Variants in INVS observed in about 807,000 individuals in gnomAD.
INVS encodes the protein inversion of embryo turning homolog.
INVS carries 86 observed loss-of-function variants against 108.8 expected under a neutral mutation model. That is an observed-to-expected ratio of 0.79 (90% CI 0.66 to 0.95). INVS has a LOEUF of 0.95. Among genes scored for constraint, INVS ranks in the 40% least tolerant of loss-of-function variants. INVS has a pLI of 0.00. For synonymous variants in INVS, 455 were observed against 473.5 expected (o/e 0.96, Z 0.51); for missense variants, 1,169 against 1,297.4 (o/e 0.90, Z 1.52).
intron 3 of INVS, among the ~76,000 whole-genome samples, chr9:100,178,180 T>C (rs894490661): frequency 6.6e-6 from 1 of 152,018 alleles, no homozygotes; most frequent in African/African-American, 2.4e-5. Context: ...GAAAAACCAA[T>C]GCAAAAAGCC....
chr9:100,300,850 ACAC>A lies in INVS; in HGVS notation c.*177_*179del, dbSNP rs1401485084. ...GTCAGAATGTTTCCTTTCTGCTCTT[ACAC>A]AGCATTGTTTTGTCAATCAACACAG... is the stretch of plus-strand genomic sequence containing the variant. On this transcript the variant is annotated 3_prime_UTR_variant, in exon 17 of 17. Coordinates refer to ENST00000262457, the MANE Select transcript of INVS (RefSeq NM_014425.5). 3.1e-6 allele frequency: 2 copies of A among 644,010 alleles called. No homozygotes were observed. The highest frequency in any genetic ancestry group is 5.5e-5 in the East Asian group (2 of 36,550). 39.9% of individuals were successfully genotyped at this position (644,010 alleles called of 1,614,324 possible). A position where few individuals can be genotyped will look rare whatever the true frequency, so the allele number is the denominator to read the frequency against.
intron 1 of INVS, among the ~76,000 whole-genome samples, chr9:100,100,905 A>G (rs1338306666): frequency 2.4e-5 from 1 of 41,294 alleles, no homozygotes; most frequent in Non-Finnish European, 3.8e-5. Flanking sequence ...TTATATATGT[A>G]TATATATTAT....
intron 5 of INVS, among the ~76,000 whole-genome samples, chr9:100,234,265 T>TGGC (rs1831608889): frequency 6.6e-6 from 1 of 152,196 alleles, no homozygotes; most frequent in Non-Finnish European, 1.5e-5. Context: ...TGTTTTCTTC[T>TGGC]TTATTAGTCT....
rs187531352 is a variant in INVS at position 100,201,196 on chromosome 9, C to T, written c.274-24866C>T. 8.5e-5 allele frequency among the ~76,000 whole-genome samples: 13 copies of T among 152,322 alleles called. No homozygotes were observed. The East Asian group carries it at 1.4e-3, about 16-fold the overall frequency. ...TAAGGGTGGTATGGAGGCAGGTCCA[C>T]GTAGATGCTGCAAAGGCAGAGGGTC... On this transcript the variant is annotated intron_variant, in intron 3 of 16. Transcript: ENST00000262457.
intron 3 of INVS, among the ~76,000 whole-genome samples, chr9:100,129,343 C>G (rs1564124733): frequency 6.6e-6 from 1 of 151,362 alleles, no homozygotes; most frequent in African/African-American, 2.4e-5. Flanking sequence ...CATACACACA[C>G]ACAAATTAGT....
rs1036664696 is a variant in INVS, at chr9:100,230,924, G to A, written c.615+1097G>A. ...GCCACACAGTATTCATTCTGTTATT[G>A]ACAGATACTTTGTTTCCAGTTTTTT... is the stretch of plus-strand genomic sequence containing the variant. On this transcript the variant is annotated intron_variant, in intron 5 of 16. Coordinates refer to ENST00000262457, the MANE Select transcript of INVS (RefSeq NM_014425.5). Among the ~76,000 whole-genome samples, 16 of 152,290 alleles carry A rather than the reference G, an allele frequency of 1.1e-4. No individual in the cohort carries two copies. The South Asian group carries it at 2.1e-3, about 20-fold the overall frequency.
At position 100,126,374 on chromosome 9, in the gene INVS, T is replaced by C. The variant is rs767161939; in HGVS notation, c.107-9T>C. 2 of 1,606,112 alleles carry C rather than the reference T, an allele frequency of 1.2e-6. No individual in the cohort carries two copies. The highest frequency in any genetic ancestry group is 1.7e-6 in the Non-Finnish European group (2 of 1,172,690). ...ATCAAATATCACTATCTGTTTCTTA[T>C]CCTTATAGGAAACTCTGCTCTTAAA... On this transcript the variant is annotated splice_polypyrimidine_tract_variant and intron_variant, in intron 2 of 16. Coordinates refer to ENST00000262457, the MANE Select transcript of INVS (RefSeq NM_014425.5).
At chr9:100,178,167 G>A (rs1174757403) in intron 3 of INVS, among the ~76,000 whole-genome samples, 4 of 152,176 alleles carry the variant, frequency 2.6e-5, no homozygotes, top group Non-Finnish European at 5.9e-5. Context: ...CCATGAAGAT[G>A]AGGAAAAACC....
chr9:100,155,103 C>T (rs1430009687), intron 3 of INVS, among the ~76,000 whole-genome samples: 1 of 151,322 alleles, frequency 6.6e-6, no homozygotes, highest in African/African-American at 2.4e-5. Context: ...CCTAGCTACT[C>T]GGGAGGCTGA....
At chr9:100,254,890 G>A (rs959207927) in intron 10 of INVS, among the ~76,000 whole-genome samples, 2 of 152,154 alleles carry the variant, frequency 1.3e-5, no homozygotes, top group African/African-American at 4.8e-5. Flanking sequence ...GGATTGTCTT[G>A]GCAATGCGGG....
At chr9:100,243,199 A>G (rs1167193683) in intron 7 of INVS, among the ~76,000 whole-genome samples, 1 of 152,182 alleles carries the variant, frequency 6.6e-6, no homozygotes, top group Non-Finnish European at 1.5e-5. Flanking sequence ...ATTGTCCTTA[A>G]AGCAGTGTGG....
chr9:100,191,323 GGTT>G (rs1233260275), intron 3 of INVS, among the ~76,000 whole-genome samples: 1 of 151,998 alleles, frequency 6.6e-6, no homozygotes, highest in Admixed American at 6.5e-5. Flanking sequence ...GTGATTCTTT[GGTT>G]TGGCAATTTT....
At chr9:100,198,180 A>G (rs1033291774) in intron 3 of INVS, among the ~76,000 whole-genome samples, 7 of 144,980 alleles carry the variant, frequency 4.8e-5, no homozygotes, top group African/African-American at 1.6e-4. Flanking sequence ...TGTCAAACCT[A>G]TTTAGTGTCC....
chr9:100,295,790 A>G (rs1171020937), intron 14 of INVS, among the ~76,000 whole-genome samples: 1 of 152,254 alleles, frequency 6.6e-6, no homozygotes, highest in Non-Finnish European at 1.5e-5. Flanking sequence ...GGCTGACACC[A>G]TTAACAGCTT....
chr9:100,301,422 G>A lies in INVS; in HGVS notation c.*748G>A, dbSNP rs1312441473. Among the ~76,000 whole-genome samples, 1 of 152,096 alleles carries A rather than the reference G, an allele frequency of 6.6e-6. No homozygotes were observed. Among genetic ancestry groups the A allele is most frequent in the Non-Finnish European group, 1.5e-5 (1 of 68,008 alleles). Reference sequence around the variant, plus strand: ...CAGTATCAAGGATTCTGTCAGGTAGGGTTTACAGACCAGACTGTTCATGCA... The same window carrying A: ...CAGTATCAAGGATTCTGTCAGGTAGAGTTTACAGACCAGACTGTTCATGCA... On this transcript the variant is annotated 3_prime_UTR_variant, in exon 17 of 17. Transcript: ENST00000262457.
intron 12 of INVS, among the ~76,000 whole-genome samples, chr9:100,282,426 AAACTATT>A (rs1833308407): frequency 6.6e-6 from 1 of 152,190 alleles, no homozygotes; most frequent in African/African-American, 2.4e-5. Context: ...ACTCAGTAGA[AAACTATT>A]ATATAAGCAA....
chr9:100,151,572 C>A (rs1435643401), intron 3 of INVS, among the ~76,000 whole-genome samples: 2 of 152,140 alleles, frequency 1.3e-5, no homozygotes, highest in African/African-American at 4.8e-5. Context: ...TGGCCTGATC[C>A]TGTAGGGCCT....
rs576406038 is a variant in INVS at position 100,226,670 on chromosome 9, G to A, written c.447+435G>A. 1.1e-4 allele frequency among the ~76,000 whole-genome samples: 16 copies of A among 152,006 alleles called. No homozygotes were observed. The South Asian group carries it at 2.5e-3, about 24-fold the overall frequency. On this transcript the variant is annotated intron_variant, in intron 4 of 16. Coordinates refer to ENST00000262457, the MANE Select transcript of INVS (RefSeq NM_014425.5). ...TCTACTAAAACTACAAAAATTAGCC[G>A]GGCATGTTGGCATGCGCTTGTAATC...
chr9:100,270,474 G>A (rs1832916763), intron 11 of INVS, among the ~76,000 whole-genome samples: 1 of 152,062 alleles, frequency 6.6e-6, no homozygotes, highest in Admixed American at 6.6e-5. Context: ...GCCGGGTGCA[G>A]TGGCTCATGC....
Sources: allele counts gnomAD v4.1 joint callset (sites outside exome capture counted in the v4.1 genomes callset), GRCh38; gene constraint gnomAD v4.1.1; transcripts MANE v1.5; gene names NCBI Gene and HGNC (gene_info 2026-07-23, HGNC 2026-07-21).